The following CSPG4 variants were observed in gnomAD, a reference collection of about 807,000 sequenced individuals.
CSPG4 encodes the protein chondroitin sulfate proteoglycan 4.
In CSPG4, 74 loss-of-function variants were observed where a neutral mutation model predicts 139.3. The observed-to-expected ratio is 0.53, with a 90% CI of 0.44 to 0.64. The LOEUF is 0.64. Ranked by LOEUF, CSPG4 falls within the 30% of genes least tolerant of loss-of-function variation. The pLI is 0.00. For missense variants in CSPG4, 2,565 were observed against 3,148.3 expected, an observed-to-expected ratio of 0.81 and a Z score of 4.43; for synonymous variants, 1,234 against 1,394.2, an observed-to-expected ratio of 0.89 and a Z score of 2.56.
At position 75,691,228 on chromosome 15, in the gene CSPG4, G is replaced by C. The variant is rs140690204; in HGVS notation, c.253-416C>G. On this transcript the variant is annotated intron_variant, in intron 2 of 9. Transcript: ENST00000308508. ...AGTTCCCCACACTTGGGGCCCCAGA[G>C]TGGAAAACCTAGGACAAGAGCCTCT... Among the ~76,000 whole-genome samples the C allele has an allele frequency of 5.5e-4, 84 of 152,274 alleles. 1 individual carries two copies. Among genetic ancestry groups the C allele is most frequent in the African/African-American group, 1.9e-3 (81 of 41,570 alleles).
In CSPG4 at chr15:75,689,639, C is replaced by T. The variant is rs761624858; in HGVS notation, c.1426G>A (p.Ala476Thr). The T allele has an allele frequency of 8.7e-6, 14 of 1,612,798 alleles. No individual in the cohort carries two copies. Among genetic ancestry groups the T allele is most frequent in the Non-Finnish European group, 1.2e-5 (14 of 1,179,878 alleles). Residue 476 changes from alanine (A) to threonine (T), a missense_variant, in exon 3 of 10, where the codon GCA becomes ACA. Physicochemically the swap from Ala to Thr is moderately conservative, Grantham distance 58. Coordinates refer to ENST00000308508, the MANE Select transcript of CSPG4 (RefSeq NM_001897.5). Reference protein sequence around the residue: ...SQVLFSVTRGARHGELELDIP... With the variant: ...SQVLFSVTRGTRHGELELDIP... ...TCCAGCTCGAGCTCGCCATGGCGTG[C>T]CCCTCGGGTCACGCTGAACAGCACC...
chr15:75,690,598 A>G lies in CSPG4; in HGVS notation c.467T>C (p.Leu156Pro). Residue 156 changes from leucine (L) to proline (P), a missense_variant, in exon 3 of 10, where the codon CTG (leucine) becomes CCG (proline). Physicochemically the swap from Leu to Pro is moderately conservative, Grantham distance 98. Around this residue, in one of 5 missense-constraint regions of CSPG4, gnomAD observed 132 missense variants for 132.3 expected, o/e 1.00. Coordinates refer to ENST00000308508, the MANE Select transcript of CSPG4 (RefSeq NM_001897.5). The part of the protein sequence containing the change: ...LFVGGTGTLG[L>P]PYLRGTSRPL... ...TCGGCTGGTTCCCCTCAGGTAGGGC[A>G]GGCCAAGGGTCCCAGTGCCCCCAAC... is the stretch of plus-strand genomic sequence containing the variant. The G allele has an allele frequency of 1.9e-6, 3 of 1,608,408 alleles. No individual in the cohort carries two copies. Among genetic ancestry groups the G allele is most frequent in the Non-Finnish European group, 2.5e-6 (3 of 1,178,160 alleles).
intron 3 of CSPG4, among the ~76,000 whole-genome samples, chr15:75,686,505 C>G (rs541756671): frequency 6.6e-6 from 1 of 151,516 alleles, no homozygotes; most frequent in South Asian, 2.1e-4. Flanking sequence ...CAAACCACCC[C>G]CCAAACTCAC....
At position 75,676,278 on chromosome 15, in the gene CSPG4, G is replaced by A. The variant is rs745447233; in HGVS notation, c.6241C>T (p.Pro2081Ser). The A allele has an allele frequency of 5.3e-5, 84 of 1,586,626 alleles. No homozygotes were observed. The highest frequency in any genetic ancestry group is 6.9e-5 in the Non-Finnish European group (81 of 1,170,676). ...GELANRTGSVPRFRLLEGPRH... is the reference protein window; with the variant it reads ...GELANRTGSVSRFRLLEGPRH... ...GGTCCCTCCAGGAGGCGGAAGCGCG[G>A]CACACTGCCTGTGCGGTTGGCCAGC... Residue 2081 changes from proline (P) to serine (S), a missense_variant, in exon 10 of 10, where the codon CCG (proline) becomes TCG (serine). Around this residue, in one of 5 missense-constraint regions of CSPG4, gnomAD observed 2,316 missense variants for 2,818.2 expected, o/e 0.82. Transcript: ENST00000308508.
In CSPG4 at chr15:75,689,135, C is replaced by T. The variant is rs202231508; in HGVS notation, c.1930G>A (p.Asp644Asn). The change falls in exon 3 of 10, where the codon GAT becomes AAT. Residue 644 changes from aspartate to asparagine, a missense_variant. Asp to Asn is a conservative substitution (Grantham distance 23). Coordinates refer to ENST00000308508, the MANE Select transcript of CSPG4 (RefSeq NM_001897.5). ...PAQDLTFRVSDGLQASPPATL... is the reference protein window; with the variant it reads ...PAQDLTFRVSNGLQASPPATL... Reference sequence around the variant, plus strand: ...GCCGGGGGGCTGGCCTGCAGTCCATCGCTGACCCGGAACGTCAAGTCCTGT... The same window carrying T: ...GCCGGGGGGCTGGCCTGCAGTCCATTGCTGACCCGGAACGTCAAGTCCTGT... 114 of 1,599,226 alleles carry T rather than the reference C, an allele frequency of 7.1e-5. No individual in the cohort carries two copies. Among genetic ancestry groups the T allele is most frequent in the Admixed American group, 2.2e-4 (13 of 59,472 alleles).
At position 75,688,329 on chromosome 15, in the gene CSPG4, AC is replaced by A; in HGVS notation, c.2735del (p.Gly912ValfsTer46). ...LTNVLLVVPEGGEGVLSADHL... is the reference protein window; with the variant it reads ...LTNVLLVVPEXGEGVLSADHL... Reference sequence around the variant, plus strand: ...GGTCAGCAGAGAGGACACCCTCACCACCCTCAGGCACCACGAGGAGGACATT... The same window carrying A: ...GGTCAGCAGAGAGGACACCCTCACCACCTCAGGCACCACGAGGAGGACATT... On this transcript the variant is annotated frameshift_variant, in exon 3 of 10. Transcript: ENST00000308508. LOFTEE classifies it high-confidence loss of function. 6.2e-7 allele frequency: 1 copy of A among 1,613,176 alleles called. No individual in the cohort carries two copies. The highest frequency in any genetic ancestry group is 8.5e-7 in the Non-Finnish European group (1 of 1,180,024).
intron 1 of CSPG4, among the ~76,000 whole-genome samples, chr15:75,706,489 TGAA>T (rs1894375060): frequency 6.6e-6 from 1 of 152,090 alleles, no homozygotes; most frequent in South Asian, 2.1e-4. Context: ...GGTGTCAGGC[TGAA>T]GAAGGTCATG....
At position 75,682,751 on chromosome 15, in the gene CSPG4, G is replaced by C; in HGVS notation, c.4649-10C>G. ...CCTCCATCCAGGGTTCCTGGGGACA[G>C]GGGCATTGGGTCCAGCTGGCCCGAG... On this transcript the variant is annotated splice_polypyrimidine_tract_variant and intron_variant, in intron 6 of 9. Coordinates refer to ENST00000308508, the MANE Select transcript of CSPG4 (RefSeq NM_001897.5). The C allele has an allele frequency of 2.5e-6, 4 of 1,612,092 alleles. No individual in the cohort carries two copies. In the South Asian group the frequency reaches 4.4e-5, roughly 18 times the overall value.
chr15:75,677,229 C>T lies in CSPG4; in HGVS notation c.5290G>A (p.Glu1764Lys), dbSNP rs745751249. The change falls in exon 10 of 10, where the codon GAG becomes AAG. Residue 1764 changes from glutamate (E) to lysine (K), a missense_variant. This residue lies in a region of CSPG4 where 2,316 missense variants were observed against 2,818.2 expected (regional missense o/e 0.82). Coordinates refer to ENST00000308508, the MANE Select transcript of CSPG4 (RefSeq NM_001897.5). ...FPSRGQLLVSEEPLHAGQPHF... is the reference protein window; with the variant it reads ...FPSRGQLLVSKEPLHAGQPHF... ...GGCTGCCCAGCATGGAGGGGCTCCT[C>T]GGACACCAACAGCTGGCCCCGGCTG... is the stretch of plus-strand genomic sequence containing the variant. The T allele has an allele frequency of 2.0e-5, 30 of 1,478,172 alleles. No homozygotes were observed. The highest frequency in any genetic ancestry group is 4.3e-5 in the South Asian group (3 of 69,538). 91.6% of individuals were successfully genotyped at this position (1,478,172 alleles called of 1,614,324 possible).
In CSPG4 at chr15:75,688,256, T is replaced by A. The variant is rs900781714; in HGVS notation, c.2809A>T (p.Met937Leu). 6.2e-7 allele frequency: 1 copy of A among 1,613,010 alleles called. No homozygotes were observed. The highest frequency in any genetic ancestry group is 8.5e-7 in the Non-Finnish European group (1 of 1,179,994). Reference sequence around the variant, plus strand: ...AACCTCCCATGGCGGGGCCGCTCCATGACCTCATAGAGGTAGCTGGCACTG... The same window carrying A: ...AACCTCCCATGGCGGGGCCGCTCCAAGACCTCATAGAGGTAGCTGGCACTG... ...LNSASYLYEVMERPRHGRLAW... is the reference protein window; with the variant it reads ...LNSASYLYEVLERPRHGRLAW... Residue 937 changes from methionine (M) to leucine (L), a missense_variant, in exon 3 of 10, where the codon ATG becomes TTG. Physicochemically the swap from Met to Leu is conservative, Grantham distance 15 (BLOSUM62 2). Around this residue, in one of 5 missense-constraint regions of CSPG4, gnomAD observed 2,316 missense variants for 2,818.2 expected, o/e 0.82. Transcript: ENST00000308508.
rs374794981 is a variant in CSPG4 at position 75,687,826 on chromosome 15, C to T, written c.3239G>A (p.Arg1080His). 8.7e-6 allele frequency: 14 copies of T among 1,612,808 alleles called. No homozygotes were observed. The African/African-American group carries it at 1.2e-4, about 14-fold the overall frequency. ...CTTCCTGAGGTCCTCCTGGGTGAAG[C>T]GGTAGATGGGCCGCGTGGGCTCATC... ...AVDEPTRPIY[R>H]FTQEDLRKRR... is the part of the protein sequence containing the mutation. The change falls in exon 3 of 10, where the codon CGC (arginine) becomes CAC (histidine). Residue 1080 changes from arginine (R) to histidine (H), a missense_variant. Around this residue, in one of 5 missense-constraint regions of CSPG4, gnomAD observed 2,316 missense variants for 2,818.2 expected, o/e 0.82. Coordinates refer to ENST00000308508, the MANE Select transcript of CSPG4 (RefSeq NM_001897.5). This position sits in a 1 kb window ranked among gnomAD's most constrained non-coding sequence, Gnocchi z 5.4.
In CSPG4 at chr15:75,675,989, C is replaced by T. The variant is rs1163667853; in HGVS notation, c.6530G>A (p.Ser2177Asn). 6.3e-7 allele frequency: 1 copy of T among 1,575,126 alleles called. No homozygotes were observed. The highest frequency in any genetic ancestry group is 8.6e-7 in the Non-Finnish European group (1 of 1,165,334). The stretch of plus-strand genomic sequence containing the variant: ...TTCCGTCCGGGCGGCCTCGGGGACA[C>T]TGAGCAGGGCCACGCTGTAGGGCCG... ...AARPYSVALLSVPEAARTEAG... is the reference protein window; with the variant it reads ...AARPYSVALLNVPEAARTEAG... The change falls in exon 10 of 10, where the codon AGT becomes AAT. Residue 2177 changes from serine (S) to asparagine (N), a missense_variant. By Grantham distance (46) the Ser-to-Asn change is conservative. Coordinates refer to ENST00000308508, the MANE Select transcript of CSPG4 (RefSeq NM_001897.5).
intron 8 of CSPG4, among the ~76,000 whole-genome samples, chr15:75,681,662 T>C (rs1280708307): frequency 6.6e-6 from 1 of 152,206 alleles, no homozygotes; most frequent in Non-Finnish European, 1.5e-5. Context: ...TTCATTTAAG[T>C]GATGACTGGG....
chr15:75,676,869 C>A lies in CSPG4; in HGVS notation c.5650G>T (p.Val1884Leu). The A allele has an allele frequency of 6.3e-7, 1 of 1,590,000 alleles. No homozygotes were observed. The change falls in exon 10 of 10, where the codon GTG becomes TTG. Residue 1884 changes from valine (V) to leucine (L), a missense_variant. Physicochemically the swap from Val to Leu is conservative, Grantham distance 32. Transcript: ENST00000308508. The stretch of plus-strand genomic sequence containing the variant: ...GTCACGGGCCCCAGGCCACCACCCA[C>A]CAGGCTGAGGAAGCCGTTGTGGGGT... The part of the protein sequence containing the change: ...RAPHNGFLSL[V>L]GGGLGPVTRF...
At position 75,689,273 on chromosome 15, in the gene CSPG4, A is replaced by G. The variant is rs748966016; in HGVS notation, c.1792T>C (p.Ser598Pro). Residue 598 changes from serine to proline, a missense_variant, in exon 3 of 10, where the codon TCC becomes CCC. Coordinates refer to ENST00000308508, the MANE Select transcript of CSPG4 (RefSeq NM_001897.5). ...CGGCGCTCCACGGGGAGGCCAGAGG[A>G]GGTGCCAAGGACCTGGAAGGTGAGG... ...EGLTFQVLGT[S>P]SGLPVERRDQ... 1.3e-5 allele frequency: 21 copies of G among 1,610,584 alleles called. No homozygotes were observed. Among genetic ancestry groups the G allele is most frequent in the South Asian group, 8.8e-5 (8 of 90,992 alleles).
intron 1 of CSPG4, among the ~76,000 whole-genome samples, chr15:75,700,250 C>T (rs989585211): frequency 6.6e-6 from 1 of 152,126 alleles, no homozygotes; most frequent in East Asian, 1.9e-4. Context: ...GCCTGTGAAT[C>T]GGAAGTGGAG....
At chr15:75,678,839 G>A (rs1191465950) in intron 8 of CSPG4, 1 of 455,504 alleles carries the variant, frequency 2.2e-6, no homozygotes, top group Non-Finnish European at 4.4e-6. Flanking sequence ...AGGCCTCCGT[G>A]TTGTTGGATC....
rs755819878 is a variant in CSPG4, at chr15:75,690,578, T to C, written c.487A>G (p.Ser163Gly). ...TGGAGGCAACCCCTCAGGGGTCGGC[T>C]GGTTCCCCTCAGGTAGGGCAGGCCA... ...TLGLPYLRGT[S>G]RPLRGCLHAA... Residue 163 changes from serine (S) to glycine (G), a missense_variant, in exon 3 of 10, where the codon AGC becomes GGC. By Grantham distance (56) the Ser-to-Gly change is moderately conservative (BLOSUM62 0). This residue lies in a region of CSPG4 where 132 missense variants were observed against 132.3 expected (regional missense o/e 1.00). Coordinates refer to ENST00000308508, the MANE Select transcript of CSPG4 (RefSeq NM_001897.5). 103 of 1,608,290 alleles carry C rather than the reference T, an allele frequency of 6.4e-5. No homozygotes were observed. The highest frequency in any genetic ancestry group is 8.5e-5 in the Non-Finnish European group (100 of 1,178,236).
In CSPG4 at chr15:75,674,830, G is replaced by A. The variant is rs1893866269; in HGVS notation, c.*720C>T. On this transcript the variant is annotated 3_prime_UTR_variant, in exon 10 of 10. Transcript: ENST00000308508. The stretch of plus-strand genomic sequence containing the variant: ...ATGGGGCCCTGGGAATGAACTGGCT[G>A]CAGACCCTCCTCCATCCCACACCCC... 2.5e-6 allele frequency: 1 copy of A among 398,696 alleles called. No homozygotes were observed. The highest frequency in any genetic ancestry group is 4.4e-6 in the Non-Finnish European group (1 of 226,170). The allele number at this position is 398,696 out of a possible 1,614,324, so 24.7% of individuals were successfully genotyped here. A position where few individuals can be genotyped will look rare whatever the true frequency, so the allele number is the denominator to read the frequency against.
Sources: allele counts gnomAD v4.1 joint callset (sites outside exome capture counted in the v4.1 genomes callset), GRCh38; gene constraint gnomAD v4.1.1; regional missense constraint gnomAD v4.1.1; non-coding constraint Gnocchi (gnomAD v3.1); transcripts MANE v1.5; gene names NCBI Gene and HGNC (gene_info 2026-07-23, HGNC 2026-07-21).